Variants in MYO15A observed in about 807,000 individuals in gnomAD.
The protein encoded by MYO15A is unconventional myosin-XV.
A neutral mutation model predicts 394.6 loss-of-function variants in MYO15A; 308 were observed. The observed-to-expected ratio is 0.78, with a 90% CI of 0.71 to 0.86. The LOEUF is 0.86. Ranked by LOEUF, MYO15A falls within the 40% of genes least tolerant of loss-of-function variation. MYO15A has a pLI of 0.00. For synonymous variants in MYO15A, 1,957 were observed against 2,003.8 expected (o/e 0.98, Z 0.62); for missense variants, 4,606 against 4,799.1 (o/e 0.96, Z 1.19).
At chr17:18,138,029 G>C in intron 16 of MYO15A, 86 bp from the exon 17 acceptor site, 5 of 1,417,398 alleles carry the variant, frequency 3.5e-6, no homozygotes, top group Non-Finnish European at 4.6e-6. Flanking sequence ...TGCTGGCCAG[G>C]CTCCTTCAGA....
chr17:18,131,760 C>T (rs1395724676), intron 10 of MYO15A, among the ~76,000 whole-genome samples: 1 of 152,192 alleles, frequency 6.6e-6, no homozygotes, highest in East Asian at 1.9e-4. Context: ...GGCCTTTGCA[C>T]CTTCTGTTCC....
At position 18,136,314 on chromosome 17, in the gene MYO15A, T is replaced by C. The variant is rs1436165699; in HGVS notation, c.4597-103T>C. ...TCTGTGTGCACAGTCACAACATCCC[T>C]CCAGCCTCCCTTCTCCATGATCCCA... On this transcript the variant is annotated intron_variant, in intron 13 of 65. Coordinates refer to ENST00000647165, the MANE Select transcript of MYO15A (RefSeq NM_016239.4). 1.8e-5 allele frequency: 26 copies of C among 1,417,412 alleles called. No individual in the cohort carries two copies. In the Admixed American group the frequency reaches 2.6e-4, roughly 14 times the overall value. 87.8% of individuals were successfully genotyped at this position (1,417,412 alleles called of 1,614,324 possible). A position where few individuals can be genotyped will look rare whatever the true frequency, so the allele number is the denominator to read the frequency against.
rs750391522 is a variant in MYO15A, at chr17:18,120,419, G to A, written c.1619G>A (p.Arg540His). The A allele has an allele frequency of 4.6e-5, 73 of 1,599,262 alleles. No homozygotes were observed. Among genetic ancestry groups the A allele is most frequent in the Non-Finnish European group, 6.1e-5 (72 of 1,174,698 alleles). ...PFWGFLTPRQ[R>H]NLQRALSAFG... ...TGGGGCTTCCTCACGCCGCGCCAGC[G>A]CAACCTCCAGCGCGCGCTGTCGGCC... Residue 540 changes from arginine to histidine, a missense_variant, in exon 2 of 66, where the codon CGC becomes CAC. Around this residue, in one of 2 missense-constraint regions of MYO15A, gnomAD observed 1,830 missense variants for 1,689.7 expected, o/e 1.08. Coordinates refer to ENST00000647165, the MANE Select transcript of MYO15A (RefSeq NM_016239.4).
intron 6 of MYO15A, 82 bp downstream of exon 6, chr17:18,126,947 C>A: frequency 6.3e-7 from 1 of 1,598,720 alleles, no homozygotes; most frequent in Non-Finnish European, 8.6e-7. Context: ...GCTGTGGGAC[C>A]TTGGAAGATT....
At position 18,143,606 on chromosome 17, in the gene MYO15A, T is replaced by C. The variant is rs1177359479; in HGVS notation, c.5951T>C (p.Leu1984Pro). The C allele has an allele frequency of 6.4e-7, 1 of 1,567,210 alleles. No homozygotes were observed. The highest frequency in any genetic ancestry group is 1.9e-5 in the Admixed American group (1 of 52,790). Residue 1984 changes from leucine to proline, a missense_variant, in exon 26 of 66, where the codon CTG becomes CCG. Around this residue, in one of 2 missense-constraint regions of MYO15A, gnomAD observed 2,776 missense variants for 3,109.3 expected, o/e 0.89. Coordinates refer to ENST00000647165, the MANE Select transcript of MYO15A (RefSeq NM_016239.4). Reference sequence around the variant, plus strand: ...AGGTGCCAGGTGGAGGGGGCGCTGCTGTGGGAGCAGGAGGTGGGTGTGGGT... The same window carrying C: ...AGGTGCCAGGTGGAGGGGGCGCTGCCGTGGGAGCAGGAGGTGGGTGTGGGT... ...EWRCQVEGAL[L>P]WEQEELSKRE...
chr17:18,139,414 T>G (rs1184658680), intron 18 of MYO15A, 120 bp from the exon 19 acceptor site: 3 of 1,171,414 alleles, frequency 2.6e-6, no homozygotes, highest in East Asian at 2.6e-5. Flanking sequence ...CCCCCAGGAG[T>G]AGGGAGAATG....
chr17:18,119,997 T>C lies in MYO15A; in HGVS notation c.1197T>C (p.Tyr399=). ...CCATCTACCCCCCCGAGGTGCCCTA[T>C]TTTTACCCGGAGGAGTCGGCTTCGG... ...DEAIYPPEVP[Y]FYPEESASAF... The change falls in exon 2 of 66, where the codon TAT becomes TAC. Residue 399 remains tyrosine (Y), a synonymous_variant. Coordinates refer to ENST00000647165, the MANE Select transcript of MYO15A (RefSeq NM_016239.4). The C allele has an allele frequency of 6.2e-7, 1 of 1,613,696 alleles. No homozygotes were observed. The highest frequency in any genetic ancestry group is 8.5e-7 in the Non-Finnish European group (1 of 1,179,998).
At chr17:18,175,827 A>C (rs2047007282) in intron 65 of MYO15A, among the ~76,000 whole-genome samples, 1 of 151,766 alleles carries the variant, frequency 6.6e-6, no homozygotes, top group African/African-American at 2.4e-5. Context: ...AGTCCTTCCC[A>C]TCCCTGTCCC....
At position 18,152,252 on chromosome 17, in the gene MYO15A, A is replaced by G. The variant is rs951991207; in HGVS notation, c.7966+68A>G. On this transcript the variant is annotated intron_variant, in intron 42 of 65. Coordinates refer to ENST00000647165, the MANE Select transcript of MYO15A (RefSeq NM_016239.4). ...ATGAGGAAGTCTGTGGGCACAGGTG[A>G]GTGTGTCGGTGGAGTGTGTGTGTCT... 7 of 1,455,038 alleles carry G rather than the reference A, an allele frequency of 4.8e-6. No individual in the cohort carries two copies. The Admixed American group carries it at 1.4e-4, about 29-fold the overall frequency. The allele number at this position is 1,455,038 out of a possible 1,614,324, so 90.1% of individuals were successfully genotyped here.
Position 18,163,271 on chromosome 17 carries a change from TTTC to T in MYO15A, c.9647_9649del (p.Leu3216del). On this transcript the variant is annotated inframe_deletion, in exon 59 of 66. Transcript: ENST00000647165. The stretch of plus-strand genomic sequence containing the variant: ...AGGCCGCAGTTCCAAGAGGCAACTC[TTTC>T]TTCTTCCTGGAGGCCTTGAACGCCA... The T allele has an allele frequency of 6.2e-7, 1 of 1,614,208 alleles. No individual in the cohort carries two copies.
At chr17:18,170,302 T>TA (rs1234417525) in intron 62 of MYO15A, among the ~76,000 whole-genome samples, 3 of 151,872 alleles carry the variant, frequency 2.0e-5, no homozygotes, top group African/African-American at 7.2e-5. Context: ...TGTAACACAG[T>TA]AAGGGCTCAA....
rs775123762 is a variant in MYO15A, at chr17:18,155,401, GGCGGGCAGCTGCGGGTCCT to G, written c.8432_8450del (p.Gly2811ValfsTer11). The G allele has an allele frequency of 1.2e-6, 2 of 1,613,552 alleles. No individual in the cohort carries two copies. The highest frequency in any genetic ancestry group is 1.7e-6 in the Non-Finnish European group (2 of 1,180,022). On this transcript the variant is annotated frameshift_variant, in exon 47 of 66. Transcript: ENST00000647165. LOFTEE classifies it high-confidence loss of function. ...GATGGTCAAGGGTGGCCAGGAGGCC[GGCGGGCAGCTGCGGGTCCT>G]GCGTGCATACAGGTGACCAGCAGGG...
chr17:18,121,812 A>G lies in MYO15A; in HGVS notation c.3012A>G (p.Ser1004=), dbSNP rs376387472. The G allele has an allele frequency of 2.3e-4, 366 of 1,612,660 alleles. No homozygotes were observed. The highest frequency in any genetic ancestry group is 3.0e-4 in the Non-Finnish European group (356 of 1,179,924). The change falls in exon 2 of 66, where the codon TCA becomes TCG. Residue 1004 remains serine (S), a synonymous_variant. Coordinates refer to ENST00000647165, the MANE Select transcript of MYO15A (RefSeq NM_016239.4). This position sits in a 1 kb window ranked among gnomAD's most constrained non-coding sequence, Gnocchi z 5.3. The part of the protein sequence containing the change: ...HEPGPGQLTK[S]AGPTPEKPEE... ...CGGGGCCTGGACAGCTCACCAAATC[A>G]GCTGGCCCAACCCCTGAGAAGCCTG...
intron 44 of MYO15A, among the ~76,000 whole-genome samples, chr17:18,154,464 G>A (rs561370551): frequency 2.6e-5 from 4 of 152,282 alleles, no homozygotes; most frequent in African/African-American, 7.2e-5. Flanking sequence ...AGTAGGAAAC[G>A]GTGGCCTAGG....
rs201077301 is a variant in MYO15A, at chr17:18,161,395, C to T, written c.9465C>T (p.His3155=). 4 of 1,614,096 alleles carry T rather than the reference C, an allele frequency of 2.5e-6. No homozygotes were observed. The African/African-American group carries it at 5.3e-5, about 22-fold the overall frequency. ...YHSCSEVLHP[H]LTRFLQDVSR... is the part of the protein sequence containing the mutation. ...GCTGCTCTGAGGTCCTCCACCCACA[C>T]CTCACTCGCTTCCTCCAAGACGTGA... is the stretch of plus-strand genomic sequence containing the variant. The change falls in exon 57 of 66, where the codon CAC becomes CAT. Residue 3155 remains histidine (H), a synonymous_variant. Coordinates refer to ENST00000647165, the MANE Select transcript of MYO15A (RefSeq NM_016239.4).
chr17:18,148,230 C>G lies in MYO15A; in HGVS notation c.6691+20C>G. The G allele has an allele frequency of 6.2e-7, 1 of 1,613,044 alleles. No individual in the cohort carries two copies. The highest frequency in any genetic ancestry group is 1.7e-5 in the Admixed American group (1 of 60,012). On this transcript the variant is annotated intron_variant, in intron 31 of 65. Coordinates refer to ENST00000647165, the MANE Select transcript of MYO15A (RefSeq NM_016239.4). This position sits in a 1 kb window ranked among gnomAD's most constrained non-coding sequence, Gnocchi z 4.8. ...TCAATGGTAAGCTGCCTTCCCCCACCTCAGTGAGGGCAGTGGGAGTCAGCA... is the reference window on the plus strand; with the variant it reads ...TCAATGGTAAGCTGCCTTCCCCCACGTCAGTGAGGGCAGTGGGAGTCAGCA...
chr17:18,138,136 A>T lies in MYO15A; in HGVS notation c.4897A>T (p.Ile1633Leu), dbSNP rs1156542276. ...EEQEEYIREQ[I>L]DWQEITFADN... ...GCAGGAGGAGTACATCCGTGAGCAG[A>T]TAGACTGGCAGGAGATCACCTTTGC... The change falls in exon 17 of 66, where the codon ATA becomes TTA. Residue 1633 changes from isoleucine to leucine, a missense_variant. Coordinates refer to ENST00000647165, the MANE Select transcript of MYO15A (RefSeq NM_016239.4). 1.2e-6 allele frequency: 2 copies of T among 1,612,900 alleles called. No individual in the cohort carries two copies. Among genetic ancestry groups the T allele is most frequent in the Admixed American group, 3.3e-5 (2 of 60,026 alleles).
chr17:18,160,383 G>A (rs988827629), intron 56 of MYO15A, among the ~76,000 whole-genome samples: 1 of 152,204 alleles, frequency 6.6e-6, no homozygotes, highest in Non-Finnish European at 1.5e-5. Flanking sequence ...TCATCAGGAA[G>A]CAGGCTTTCT....
chr17:18,131,293 AACG>A lies in MYO15A; in HGVS notation c.4096_4098del (p.Asp1366del), dbSNP rs774608392. ...CTTCGGTAATGCCAAAACCGTCAGGAACGACAACTCCAGCCGCTTTGGGAAGTT... is the reference window on the plus strand; with the variant it reads ...CTTCGGTAATGCCAAAACCGTCAGGAACAACTCCAGCCGCTTTGGGAAGTT... On this transcript the variant is annotated inframe_deletion, in exon 9 of 66. Transcript: ENST00000647165. The A allele has an allele frequency of 1.2e-6, 2 of 1,614,020 alleles. No individual in the cohort carries two copies. The highest frequency in any genetic ancestry group is 1.7e-6 in the Non-Finnish European group (2 of 1,179,970).
Sources: gnomAD v4.1 joint callset for allele counts (sites outside exome capture counted in the v4.1 genomes callset) on GRCh38, gnomAD v4.1.1 for gene constraint, gnomAD v4.1.1 regional missense constraint, Gnocchi (gnomAD v3.1) non-coding constraint, MANE v1.5 for transcripts, NCBI Gene and HGNC (gene_info 2026-07-23, HGNC 2026-07-21) for gene names.